CPA4: variants seen among roughly 807,000 people sequenced by gnomAD.
The protein encoded by CPA4 is carboxypeptidase A3.
Under a neutral mutation model 54.7 loss-of-function variants are expected in CPA4, and 49 were observed. That is an observed-to-expected ratio of 0.90 (90% CI 0.71 to 1.14). The LOEUF is 1.14. Ranked by LOEUF, CPA4 falls within the 50% of genes most tolerant of loss-of-function variation. The pLI, the probability that CPA4 is intolerant of heterozygous loss-of-function variation, is 0.00. For synonymous variants in CPA4, 215 were observed against 206.8 expected (o/e 1.04, Z -0.34); for missense variants, 487 against 525.1 (o/e 0.93, Z 0.71).
chr7:130,322,829 C>A lies in CPA4; in HGVS notation c.*153C>A. 1.4e-6 allele frequency: 1 copy of A among 696,300 alleles called. No individual in the cohort carries two copies. Among genetic ancestry groups the A allele is most frequent in the Non-Finnish European group, 2.3e-6 (1 of 435,244 alleles). The allele number at this position is 696,300 out of a possible 1,614,324, so 43.1% of individuals were successfully genotyped here. A position where few individuals can be genotyped will look rare whatever the true frequency, so the allele number is the denominator to read the frequency against. On this transcript the variant is annotated 3_prime_UTR_variant, in exon 11 of 11. Coordinates refer to ENST00000222482, the MANE Select transcript of CPA4 (RefSeq NM_016352.4). ...CCCTCTCCAGCCAGCTCCCTGGAGT[C>A]GTGTGTCCTGGCAGTGTCCCTGCAA... is the stretch of plus-strand genomic sequence containing the variant.
At chr7:130,295,993 A>AT (rs1562927273) in intron 1 of CPA4, among the ~76,000 whole-genome samples, 1 of 152,216 alleles carries the variant, frequency 6.6e-6, no homozygotes. Flanking sequence ...CTGAAAAAAA[A>AT]GGATAATGCT....
At chr7:130,319,528 C>T (rs1409858500) in intron 10 of CPA4, among the ~76,000 whole-genome samples, 2 of 152,198 alleles carry the variant, frequency 1.3e-5, no homozygotes, top group South Asian at 2.1e-4. Context: ...AAAAGGCATA[C>T]AAAATTTTAT....
At chr7:130,311,972 G>C in intron 9 of CPA4, 66 bp from the exon 10 acceptor site, 1 of 1,149,350 alleles carries the variant, frequency 8.7e-7, no homozygotes, top group Admixed American at 1.7e-5. Context: ...TCCCAGAGCA[G>C]AGCAGCTGAG....
In CPA4 at chr7:130,295,906, G is replaced by A. The variant is rs149909021; in HGVS notation, c.68+2658G>A. 3.7e-4 allele frequency among the ~76,000 whole-genome samples: 57 copies of A among 152,356 alleles called. No homozygotes were observed. In the East Asian group the frequency reaches 0.01, roughly 28 times the overall value. ...AGGCAGGAGAATCACTTGAACCCCG[G>A]AGGCGGAGATTGCAGTGAGCTGAGA... On this transcript the variant is annotated intron_variant, in intron 1 of 10. Coordinates refer to ENST00000222482, the MANE Select transcript of CPA4 (RefSeq NM_016352.4).
Position 130,299,330 on chromosome 7 carries a change from G to A in CPA4, c.211G>A (p.Val71Ile). ...GCCTGTGGATGTCCTGGTCCCATCT[G>A]TCAGTCTGCAGGCATTTAAATCCTT... ...NRPVDVLVPS[V>I]SLQAFKSFLR... Residue 71 changes from valine to isoleucine, a missense_variant, in exon 3 of 11, where the codon GTC becomes ATC. Coordinates refer to ENST00000222482, the MANE Select transcript of CPA4 (RefSeq NM_016352.4). The A allele has an allele frequency of 6.2e-7, 1 of 1,613,482 alleles. No homozygotes were observed. Among genetic ancestry groups the A allele is most frequent in the African/African-American group, 1.3e-5 (1 of 75,038 alleles).
chr7:130,296,681 T>TTTTTG, intron 1 of CPA4, among the ~76,000 whole-genome samples: 1 of 63,108 alleles, frequency 1.6e-5, no homozygotes, highest in Non-Finnish European at 2.9e-5. Flanking sequence ...TCCCCTCACT[T>TTTTTG]TTTTTTTTTT....
Position 130,299,211 on chromosome 7 carries a change from C to T in CPA4, c.151-59C>T, listed in dbSNP as rs1793701497. 14 of 1,554,250 alleles carry T rather than the reference C, an allele frequency of 9.0e-6. No homozygotes were observed. In the East Asian group the frequency reaches 3.1e-4, roughly 35 times the overall value. ...TTTGGCAGTGTTCTAGAAGAATAACCTCATTGTGCATTTTACCTGAACGGT... is the reference window on the plus strand; with the variant it reads ...TTTGGCAGTGTTCTAGAAGAATAACTTCATTGTGCATTTTACCTGAACGGT... On this transcript the variant is annotated intron_variant, in intron 2 of 10. Coordinates refer to ENST00000222482, the MANE Select transcript of CPA4 (RefSeq NM_016352.4).
chr7:130,300,373 T>C (rs1021310446), intron 3 of CPA4, among the ~76,000 whole-genome samples: 1 of 150,568 alleles, frequency 6.6e-6, no homozygotes, highest in African/African-American at 2.5e-5. Context: ...GTCTCTCTCT[T>C]TCGCCAGGCT....
At chr7:130,299,544 G>A in intron 3 of CPA4, 140 bp downstream of exon 3, 2 of 726,630 alleles carry the variant, frequency 2.8e-6, no homozygotes, top group Middle Eastern at 3.9e-4. Flanking sequence ...TGGAAGTAAA[G>A]TGCAGTGACT....
In CPA4 at chr7:130,297,272, G is replaced by A. The variant is rs151254607; in HGVS notation, c.69-1474G>A. Among the ~76,000 whole-genome samples the A allele has an allele frequency of 7.2e-5, 11 of 152,202 alleles. No individual in the cohort carries two copies. In the East Asian group the frequency reaches 1.2e-3, roughly 16 times the overall value. Reference sequence around the variant, plus strand: ...GCCTGGCTCCATTCTGTCTTACATCGGTCCCTTTTTTTCAATGGTGCTTGC... The same window carrying A: ...GCCTGGCTCCATTCTGTCTTACATCAGTCCCTTTTTTTCAATGGTGCTTGC... On this transcript the variant is annotated intron_variant, in intron 1 of 10. Coordinates refer to ENST00000222482, the MANE Select transcript of CPA4 (RefSeq NM_016352.4).
intron 10 of CPA4, among the ~76,000 whole-genome samples, chr7:130,313,706 C>G (rs1285160454): frequency 6.6e-6 from 1 of 152,020 alleles, no homozygotes; most frequent in Non-Finnish European, 1.5e-5. Context: ...ACAGATTGGA[C>G]AGATGGAATG....
chr7:130,297,810 G>A (rs117220984), intron 1 of CPA4, among the ~76,000 whole-genome samples: 7,848 of 152,262 alleles, frequency 0.052, 242 homozygotes, highest in Middle Eastern at 0.082. Context: ...CTTTGGAGCT[G>A]TCACCTAGCA....
rs1040174700 is a variant in CPA4 at position 130,310,978 on chromosome 7, G to A, written c.985G>A (p.Glu329Lys). ...CTCAGTCAAAAAGGCCCCAGATGCC[G>A]AGGAACTCGTGAGTCACAGCTGCCT... ...GYSVKKAPDA[E>K]ELDKVARLAA... is the part of the protein sequence containing the mutation. Residue 329 changes from glutamate to lysine, a missense_variant, in exon 9 of 11, where the codon GAG becomes AAG. Glu to Lys is a moderately conservative substitution (Grantham distance 56, BLOSUM62 1). Transcript: ENST00000222482. This position sits in a 1 kb window ranked among gnomAD's most constrained non-coding sequence, Gnocchi z 4.3. 6 of 1,613,458 alleles carry A rather than the reference G, an allele frequency of 3.7e-6. No homozygotes were observed. The highest frequency in any genetic ancestry group is 1.7e-5 in the Admixed American group (1 of 59,988).
intron 4 of CPA4, among the ~76,000 whole-genome samples, chr7:130,301,682 C>A (rs1793740291): frequency 6.6e-6 from 1 of 152,174 alleles, no homozygotes; most frequent in South Asian, 2.1e-4. Flanking sequence ...ATGCATTTCA[C>A]AAGGCGTATA....
intron 10 of CPA4, among the ~76,000 whole-genome samples, chr7:130,318,433 T>A (rs2117164943): frequency 6.6e-6 from 1 of 152,092 alleles, no homozygotes; most frequent in South Asian, 2.1e-4. Context: ...TGAAATGGAG[T>A]TTCGTTTCGC....
chr7:130,316,154 A>G (rs1430489982), intron 10 of CPA4, among the ~76,000 whole-genome samples: 4 of 152,232 alleles, frequency 2.6e-5, no homozygotes, highest in Admixed American at 6.5e-5. Flanking sequence ...AGTCAGCCTC[A>G]CAGTTCCCTA....
intron 7 of CPA4, among the ~76,000 whole-genome samples, chr7:130,307,478 AC>A (rs1793839946): frequency 6.6e-6 from 1 of 152,000 alleles, no homozygotes; most frequent in South Asian, 2.1e-4. Context: ...AAAAATACAA[AC>A]AAATTGGCTG....
intron 6 of CPA4, 187 bp downstream of exon 6, chr7:130,306,107 A>T: frequency 1.7e-6 from 1 of 600,014 alleles, no homozygotes; most frequent in Non-Finnish European, 3.0e-6. Context: ...GGCCAAATTG[A>T]TTGCGTTCCT....
intron 10 of CPA4, among the ~76,000 whole-genome samples, chr7:130,316,598 G>A (rs1247815718): frequency 3.3e-5 from 5 of 152,134 alleles, no homozygotes; most frequent in Non-Finnish European, 5.9e-5. Context: ...AACATGGTGA[G>A]AGAACTTGTA....
Sources: gnomAD v4.1 joint callset for allele counts (sites outside exome capture counted in the v4.1 genomes callset) on GRCh38, gnomAD v4.1.1 for gene constraint, Gnocchi (gnomAD v3.1) non-coding constraint, MANE v1.5 for transcripts, NCBI Gene and HGNC (gene_info 2026-07-23, HGNC 2026-07-21) for gene names.